GLRA2: variants seen among roughly 807,000 people sequenced by gnomAD.
GLRA2 encodes glycine receptor alpha 2.
GLRA2 carries 11 observed loss-of-function variants against 31.6 expected under a neutral mutation model. The ratio of observed to expected loss-of-function variants is 0.35; its 90% CI spans 0.22 to 0.58. The LOEUF is 0.58. Ranked by LOEUF, GLRA2 falls within the 20% of genes least tolerant of loss-of-function variation. GLRA2 has a pLI of 0.84. For synonymous variants in GLRA2, 132 were observed against 134.0 expected, an observed-to-expected ratio of 0.99 and a Z score of 0.10; for missense variants, 212 against 351.8, an observed-to-expected ratio of 0.60 and a Z score of 3.18.
the GLRA2 span, among the ~76,000 whole-genome samples, chrX:14,460,660 T>C: frequency 1.8e-5 from 2 of 112,344 alleles, no homozygotes; most frequent in Admixed American, 1.9e-4. Context: ...ATGTTTATGG[T>C]ATTCTCTGAT....
chrX:14,470,278 A>G, the GLRA2 span, among the ~76,000 whole-genome samples: 24 of 112,006 alleles, frequency 2.1e-4, no homozygotes, highest in South Asian at 8.1e-3. Context: ...AGATAGAAAA[A>G]TTAGCTTCAT....
chrX:14,728,597 C>T (rs1308213929), intron 8 of GLRA2, among the ~76,000 whole-genome samples: 1 of 111,690 alleles, frequency 9.0e-6, no homozygotes, highest in Non-Finnish European at 1.9e-5. Context: ...AATTCCAAGT[C>T]ATTGCCAGGT....
At chrX:14,622,494 A>G (rs2090532943) in intron 7 of GLRA2, among the ~76,000 whole-genome samples, 1 of 111,894 alleles carries the variant, frequency 8.9e-6, no homozygotes, top group South Asian at 3.7e-4. Context: ...TAGGTCTAAC[A>G]TTTAAGTCTT....
intron 7 of GLRA2, among the ~76,000 whole-genome samples, chrX:14,628,127 C>T (rs2090608015): frequency 9.0e-6 from 1 of 111,202 alleles, no homozygotes; most frequent in African/African-American, 3.3e-5. Flanking sequence ...AATGTCCAGG[C>T]ATATTGGGGA....
intron 8 of GLRA2, among the ~76,000 whole-genome samples, chrX:14,721,826 C>T (rs2091870341): frequency 1.8e-5 from 2 of 111,577 alleles, no homozygotes; most frequent in Admixed American, 1.9e-4. Context: ...AAAAGCCAAG[C>T]AGCATCCTCA....
chrX:14,540,043 G>A (rs1432273365), intron 2 of GLRA2, among the ~76,000 whole-genome samples: 2 of 111,456 alleles, frequency 1.8e-5, no homozygotes, highest in South Asian at 3.7e-4. Context: ...GTCACCATGT[G>A]CCAGGTACCA....
chrX:14,579,709 A>T (rs772407218), intron 3 of GLRA2, among the ~76,000 whole-genome samples: 35 of 111,423 alleles, frequency 3.1e-4, no homozygotes, highest in Non-Finnish European at 6.2e-4. Flanking sequence ...GCCTCAATTT[A>T]TCATAAAGTA....
intron 5 of GLRA2, among the ~76,000 whole-genome samples, chrX:14,604,699 T>G (rs2090315960): frequency 1.8e-5 from 2 of 109,811 alleles, no homozygotes; most frequent in South Asian, 7.8e-4. Flanking sequence ...TTTGGTAAGC[T>G]TTTCATTGAA....
At chrX:14,634,866 CA>C (rs2090692080) in intron 7 of GLRA2, among the ~76,000 whole-genome samples, 2 of 112,006 alleles carry the variant, frequency 1.8e-5, no homozygotes. Flanking sequence ...TAGATTTGAC[CA>C]TATTAGCAGC....
At chrX:14,604,825 C>T (rs1001833963) in intron 5 of GLRA2, among the ~76,000 whole-genome samples, 2 of 109,887 alleles carry the variant, frequency 1.8e-5, no homozygotes, top group African/African-American at 3.3e-5. Flanking sequence ...GACCATCACC[C>T]CAAAAGGAAT....
At chrX:14,554,033 A>C (rs1306008717) in intron 2 of GLRA2, among the ~76,000 whole-genome samples, 2 of 112,372 alleles carry the variant, frequency 1.8e-5, no homozygotes, top group African/African-American at 3.2e-5. Flanking sequence ...AATATACAGA[A>C]GGACTTCAAT....
intron 1 of GLRA2, 122 bp downstream of exon 1, chrX:14,530,247 T>A: frequency 2.0e-6 from 1 of 503,368 alleles, no homozygotes; most frequent in East Asian, 3.7e-5. Flanking sequence ...AAGTTAGATA[T>A]CTTTTGTTCA....
chrX:14,720,144 A>G (rs746136461), intron 8 of GLRA2, among the ~76,000 whole-genome samples: 1 of 111,340 alleles, frequency 9.0e-6, no homozygotes, highest in South Asian at 3.8e-4. Context: ...AGTAAACAAT[A>G]ATTTATTGTA....
chrX:14,625,606 T>C lies in GLRA2; in HGVS notation c.930+16401T>C, dbSNP rs1381141826. 2.4e-4 allele frequency among the ~76,000 whole-genome samples: 27 copies of C among 111,638 alleles called. No individual in the cohort carries two copies. In the Admixed American group the frequency reaches 2.6e-3, roughly 11 times the overall value. On this transcript the variant is annotated intron_variant, in intron 7 of 8. Coordinates refer to ENST00000218075, the MANE Select transcript of GLRA2 (RefSeq NM_002063.4). ...GTAGATTTTATTTCTCCTTCACTTA[T>C]GAAGCTTAGTTTGGCTGGATATGAA... is the stretch of plus-strand genomic sequence containing the variant.
the GLRA2 span, among the ~76,000 whole-genome samples, chrX:14,502,723 G>T: frequency 9.0e-6 from 1 of 110,520 alleles, no homozygotes; most frequent in Non-Finnish European, 1.9e-5. Flanking sequence ...TGAACTCATG[G>T]CCAACAGCAC....
chrX:14,679,427 T>TAA (rs373479993), intron 7 of GLRA2, among the ~76,000 whole-genome samples: 43 of 102,681 alleles, frequency 4.2e-4, no homozygotes, highest in Non-Finnish European at 7.0e-4. Context: ...TGATGATTGT[T>TAA]AAAAAAAAAA....
intron 2 of GLRA2, among the ~76,000 whole-genome samples, chrX:14,547,149 CATAAT>C (rs2089493127): frequency 9.0e-6 from 1 of 111,123 alleles, no homozygotes; most frequent in African/African-American, 3.3e-5. Flanking sequence ...ATAAAGATGA[CATAAT>C]AAATAGATCC....
the GLRA2 span, among the ~76,000 whole-genome samples, chrX:14,518,015 G>A: frequency 1.8e-5 from 2 of 110,953 alleles, no homozygotes; most frequent in Non-Finnish European, 3.8e-5. Context: ...ACATATAGAA[G>A]ACAAAGGAAA....
chrX:14,450,981 T>A, the GLRA2 span, among the ~76,000 whole-genome samples: 71 of 111,415 alleles, frequency 6.4e-4, no homozygotes, highest in Non-Finnish European at 1.2e-3. Context: ...ATTACAGGTG[T>A]GAGCCAACAT....
Sources: gnomAD v4.1 joint callset for allele counts (sites outside exome capture counted in the v4.1 genomes callset) on GRCh38, gnomAD v4.1.1 for gene constraint, MANE v1.5 for transcripts, NCBI Gene and HGNC (gene_info 2026-07-23, HGNC 2026-07-21) for gene names.